TCF4: variants seen among roughly 807,000 people sequenced by gnomAD.
TCF4 encodes SL3-3 enhancer factor 2.
A neutral mutation model predicts 82.1 loss-of-function variants in TCF4; 3 were observed. The ratio of observed to expected loss-of-function variants is 0.04; its 90% CI spans 0.02 to 0.09. The LOEUF is 0.09. Ranked by LOEUF, TCF4 falls within the 10% of genes least tolerant of loss-of-function variation. TCF4 has a pLI of 1.00. For missense variants in TCF4, 518 were observed against 852.7 expected (o/e 0.61, Z 4.89); for synonymous variants, 276 against 309.6 (o/e 0.89, Z 1.14).
Position 55,261,572 on chromosome 18 carries a change from G to A in TCF4, c.923-39C>T, listed in dbSNP as rs757302143. On this transcript the variant is annotated intron_variant, in intron 11 of 19. Transcript: ENST00000354452. ...AGGCAGAATATGAAAACCAGGCAGT[G>A]AGACGTCTAACAATTTTCTATTCCT... is the stretch of plus-strand genomic sequence containing the variant. The A allele has an allele frequency of 4.3e-6, 7 of 1,610,918 alleles. No homozygotes were observed. In the South Asian group the frequency reaches 5.5e-5, roughly 13 times the overall value.
At chr18:55,442,304 G>A (rs1449545979) in intron 5 of TCF4, among the ~76,000 whole-genome samples, 2 of 152,190 alleles carry the variant, frequency 1.3e-5, no homozygotes, top group Admixed American at 6.5e-5. Context: ...TGCTCTGCAG[G>A]CAGAATCAAG....
chr18:55,471,847 G>T (rs1461257000), intron 3 of TCF4, among the ~76,000 whole-genome samples: 1 of 151,960 alleles, frequency 6.6e-6, no homozygotes, highest in African/African-American at 2.4e-5. Flanking sequence ...GTCAACCCTG[G>T]CTTTCTCAGA....
At chr18:55,409,346 G>A (rs1366246752) in intron 5 of TCF4, among the ~76,000 whole-genome samples, 2 of 151,980 alleles carry the variant, frequency 1.3e-5, no homozygotes, top group Non-Finnish European at 2.9e-5. Context: ...CTCTTGAGAA[G>A]TACTGCAGTT....
intron 5 of TCF4, among the ~76,000 whole-genome samples, chr18:55,447,887 T>G (rs1404806416): frequency 6.6e-6 from 1 of 151,958 alleles, no homozygotes; most frequent in Non-Finnish European, 1.5e-5. Context: ...ACTTGGGATC[T>G]ATGTTTCATC....
intron 5 of TCF4, among the ~76,000 whole-genome samples, chr18:55,434,263 C>G (rs1487985069): frequency 6.6e-6 from 1 of 152,096 alleles, no homozygotes; most frequent in Non-Finnish European, 1.5e-5. Flanking sequence ...TCTTGAGTGA[C>G]AAGCAAATGT....
At chr18:55,492,558 T>C (rs2096587623) in intron 3 of TCF4, among the ~76,000 whole-genome samples, 1 of 152,214 alleles carries the variant, frequency 6.6e-6, no homozygotes, top group Non-Finnish European at 1.5e-5. Flanking sequence ...CTTTAAAGCA[T>C]TGTTATTTAG....
At chr18:55,365,395 G>A (rs951745591) in intron 6 of TCF4, among the ~76,000 whole-genome samples, 1 of 151,356 alleles carries the variant, frequency 6.6e-6, no homozygotes, top group Non-Finnish European at 1.5e-5. Flanking sequence ...TCTTGTAGAA[G>A]CACTGGATAA....
intron 2 of TCF4, among the ~76,000 whole-genome samples, chr18:55,623,661 A>T (rs1396474975): frequency 6.6e-6 from 1 of 152,082 alleles, no homozygotes; most frequent in East Asian, 1.9e-4. Flanking sequence ...TTTTTTTGAA[A>T]GTGAATCCAT....
At chr18:55,504,282 G>A (rs1035965116) in intron 3 of TCF4, among the ~76,000 whole-genome samples, 3 of 152,186 alleles carry the variant, frequency 2.0e-5, no homozygotes, top group African/African-American at 7.2e-5. Context: ...CATCTGTTGA[G>A]CATCTATGAA....
At chr18:55,587,442 AAAAAAAAAAAGCCGC>A (rs1376803080) in intron 1 of TCF4, among the ~76,000 whole-genome samples, 13 of 145,878 alleles carry the variant, frequency 8.9e-5, no homozygotes, top group Admixed American at 7.5e-4. Context: ...TCAGGGAAAG[AAAAAAAAAAAGCCGC>A]TCTTCAGCGC....
At chr18:55,308,955 G>A (rs539331595) in intron 8 of TCF4, among the ~76,000 whole-genome samples, 443 of 152,224 alleles carry the variant, frequency 2.9e-3, no homozygotes, top group Non-Finnish European at 4.8e-3. Flanking sequence ...TTTCTACAAT[G>A]ATACAAATAT....
At chr18:55,560,608 C>G (rs1477717660) in intron 3 of TCF4, among the ~76,000 whole-genome samples, 1 of 152,056 alleles carries the variant, frequency 6.6e-6, no homozygotes, top group Non-Finnish European at 1.5e-5. Context: ...TGGACATCTA[C>G]CAGTAAGAAG....
intron 2 of TCF4, among the ~76,000 whole-genome samples, chr18:55,630,554 A>G (rs747281563): frequency 9.9e-5 from 15 of 152,218 alleles, no homozygotes; most frequent in Non-Finnish European, 1.6e-4. Context: ...ATTTCTGGAA[A>G]GCTTGTTGAA....
intron 3 of TCF4, among the ~76,000 whole-genome samples, chr18:55,526,392 A>T (rs1205996220): frequency 1.3e-5 from 2 of 152,214 alleles, no homozygotes; most frequent in African/African-American, 4.8e-5. Flanking sequence ...ACCTTTGTTC[A>T]TTCATAACCA....
chr18:55,238,335 T>C (rs774131950), intron 15 of TCF4, among the ~76,000 whole-genome samples: 4 of 152,240 alleles, frequency 2.6e-5, no homozygotes, highest in Non-Finnish European at 5.9e-5. Context: ...AAATAGAAGA[T>C]AGAAGTGAAA....
intron 3 of TCF4, among the ~76,000 whole-genome samples, chr18:55,528,740 G>A (rs2097022506): frequency 6.6e-6 from 1 of 152,094 alleles, no homozygotes. Flanking sequence ...CTTCATTATT[G>A]ACTATTTGAA....
At chr18:55,595,664 T>A (rs1246597585) in intron 2 of TCF4, among the ~76,000 whole-genome samples, 1 of 152,212 alleles carries the variant, frequency 6.6e-6, no homozygotes, top group Non-Finnish European at 1.5e-5. Context: ...TCAACAATCT[T>A]TCATTCTGAG....
At chr18:55,622,384 G>A (rs559558545) in intron 2 of TCF4, among the ~76,000 whole-genome samples, 16 of 151,400 alleles carry the variant, frequency 1.1e-4, no homozygotes, top group African/African-American at 2.4e-4. Flanking sequence ...GTGTATGCCC[G>A]TGGTCCCAGC....
rs940423555 is a variant in TCF4 at position 55,222,838 on chromosome 18, C to T, written c.*5197G>A. The T allele has an allele frequency of 2.6e-5, 4 of 152,536 alleles. No homozygotes were observed. Among genetic ancestry groups the T allele is most frequent in the African/African-American group, 7.2e-5 (3 of 41,416 alleles). 9.4% of individuals were successfully genotyped at this position (152,536 alleles called of 1,614,324 possible). On this transcript the variant is annotated 3_prime_UTR_variant, in exon 20 of 20. Coordinates refer to ENST00000354452, the MANE Select transcript of TCF4 (RefSeq NM_001083962.2). The stretch of plus-strand genomic sequence containing the variant: ...ATTTTTTTCCTTCCATGATAGTTGA[C>T]ACACGTCAGTTTGTACAAGTTAGAA...
Sources: allele counts gnomAD v4.1 joint callset (sites outside exome capture counted in the v4.1 genomes callset), GRCh38; gene constraint gnomAD v4.1.1; transcripts MANE v1.5; gene names NCBI Gene and HGNC (gene_info 2026-07-23, HGNC 2026-07-21).